The following PCDH9 variants were observed in gnomAD, a reference collection of about 807,000 sequenced individuals.
The protein encoded by PCDH9 is protocadherin-9.
PCDH9 carries 24 observed loss-of-function variants against 70.6 expected under a neutral mutation model. That is an observed-to-expected ratio of 0.34 (90% CI 0.25 to 0.48). The LOEUF is 0.48. Ranked by LOEUF, PCDH9 falls within the 20% of genes least tolerant of loss-of-function variation. The pLI, the probability that PCDH9 is intolerant of heterozygous loss-of-function variation, is 0.99. For missense variants in PCDH9, 1,281 were observed against 1,503.6 expected (o/e 0.85, Z 2.45); for synonymous variants, 562 against 558.5 (o/e 1.01, Z -0.09).
rs2089887360 is a variant in PCDH9, at chr13:67,226,853, A to G, written c.1588T>C (p.Phe530Leu). ...AATCGTTCTTGTTCTTCTCTGTCAA[A>G]TACTCTGGAGGCTGTCAAAACTCCT... ...KTGVLTASRV[F>L]DREEQERFIF... The change falls in exon 2 of 5, where the codon TTT becomes CTT. Residue 530 changes from phenylalanine to leucine, a missense_variant. By Grantham distance (22) the Phe-to-Leu change is conservative. This residue lies in a region of PCDH9 where 798 missense variants were observed against 1,003.1 expected (regional missense o/e 0.80). Transcript: ENST00000377865. The surrounding 1 kb of genome is among the most constrained non-coding windows in gnomAD (Gnocchi z 5.0). 1.1e-5 allele frequency: 17 copies of G among 1,614,192 alleles called. No homozygotes were observed. The highest frequency in any genetic ancestry group is 1.4e-5 in the Non-Finnish European group (16 of 1,180,036).
At chr13:66,345,374 T>A (rs532900919) in intron 4 of PCDH9, among the ~76,000 whole-genome samples, 1 of 151,808 alleles carries the variant, frequency 6.6e-6, no homozygotes, top group South Asian at 2.1e-4. Context: ...AATGAGGTAA[T>A]TTTTTTTTCC....
intron 4 of PCDH9, among the ~76,000 whole-genome samples, chr13:66,369,784 A>C (rs764320889): frequency 4.6e-5 from 7 of 152,090 alleles, no homozygotes; most frequent in Non-Finnish European, 1.0e-4. Context: ...TGAGCCAGCA[A>C]AAAATACTTT....
intron 2 of PCDH9, among the ~76,000 whole-genome samples, chr13:67,041,242 T>C (rs760396579): frequency 2.5e-4 from 38 of 152,208 alleles, no homozygotes; most frequent in Admixed American, 7.9e-4. Context: ...TCATGTGCTA[T>C]TTAAATGGTG....
chr13:66,885,709 C>G (rs1461901336), intron 3 of PCDH9, among the ~76,000 whole-genome samples: 1 of 151,994 alleles, frequency 6.6e-6, no homozygotes, highest in Non-Finnish European at 1.5e-5. Context: ...CTTGGTAAAA[C>G]TTAATTTCTC....
chr13:66,347,762 T>C (rs1332162236), intron 4 of PCDH9, among the ~76,000 whole-genome samples: 1 of 152,180 alleles, frequency 6.6e-6, no homozygotes, highest in African/African-American at 2.4e-5. Context: ...CTGTGTCCAT[T>C]TGGCTAATTG....
At chr13:66,860,436 G>C (rs2081464227) in intron 3 of PCDH9, among the ~76,000 whole-genome samples, 1 of 152,168 alleles carries the variant, frequency 6.6e-6, no homozygotes, top group African/African-American at 2.4e-5. Flanking sequence ...AATTTTACAG[G>C]AAGCTAATAT....
chr13:67,061,265 T>C (rs1203597571), intron 2 of PCDH9, among the ~76,000 whole-genome samples: 1 of 152,108 alleles, frequency 6.6e-6, no homozygotes, highest in East Asian at 1.9e-4. Context: ...CTTGGGTTTC[T>C]TTCAATCACA....
intron 4 of PCDH9, among the ~76,000 whole-genome samples, chr13:66,368,472 A>T (rs974280619): frequency 6.6e-6 from 1 of 151,972 alleles, no homozygotes; most frequent in Admixed American, 6.6e-5. Flanking sequence ...AATAAGAGTG[A>T]TATAACCTTC....
chr13:66,627,646 C>T (rs1443397247), intron 4 of PCDH9, among the ~76,000 whole-genome samples: 1 of 152,152 alleles, frequency 6.6e-6, no homozygotes, highest in Non-Finnish European at 1.5e-5. Flanking sequence ...AAGGCACTGT[C>T]ACAACCTAAG....
intron 3 of PCDH9, among the ~76,000 whole-genome samples, chr13:66,747,302 G>A (rs1345371991): frequency 6.6e-6 from 1 of 152,182 alleles, no homozygotes; most frequent in Non-Finnish European, 1.5e-5. Context: ...AGTGAGCCAA[G>A]ATCGCACCAT....
At chr13:66,372,023 C>T (rs1006432251) in intron 4 of PCDH9, among the ~76,000 whole-genome samples, 3 of 151,988 alleles carry the variant, frequency 2.0e-5, no homozygotes, top group African/African-American at 7.2e-5. Context: ...TCTGAAGAGA[C>T]TCCCTCCCAC....
At chr13:66,926,392 T>G (rs954579656) in intron 2 of PCDH9, among the ~76,000 whole-genome samples, 10 of 152,028 alleles carry the variant, frequency 6.6e-5, no homozygotes, top group South Asian at 2.1e-4. Context: ...TCATGCTTTA[T>G]CACTAGGCTC....
intron 2 of PCDH9, among the ~76,000 whole-genome samples, chr13:67,027,521 G>C (rs1057389969): frequency 2.0e-5 from 3 of 151,918 alleles, no homozygotes; most frequent in African/African-American, 4.8e-5. Context: ...AGGACTTCAT[G>C]TCTAAAACAC....
At chr13:66,917,665 C>A (rs1387270610) in intron 2 of PCDH9, among the ~76,000 whole-genome samples, 1 of 151,390 alleles carries the variant, frequency 6.6e-6, no homozygotes, top group Non-Finnish European at 1.5e-5. Context: ...AAGACAGAAT[C>A]TGCCATAAGT....
At chr13:67,206,998 C>T (rs1007789892) in intron 2 of PCDH9, 1 of 152,042 alleles carries the variant, frequency 6.6e-6, no homozygotes, top group African/African-American at 2.4e-5. Flanking sequence ...AATCGTACTG[C>T]CTAAAAGATA....
At chr13:66,775,747 AG>A (rs1214269598) in intron 3 of PCDH9, among the ~76,000 whole-genome samples, 1 of 152,256 alleles carries the variant, frequency 6.6e-6, no homozygotes, top group African/African-American at 2.4e-5. Context: ...ATAAGGCTTC[AG>A]GTCAACAGTA....
chr13:67,093,213 G>A (rs2086253473), intron 2 of PCDH9, among the ~76,000 whole-genome samples: 1 of 152,164 alleles, frequency 6.6e-6, no homozygotes, highest in African/African-American at 2.4e-5. Context: ...CCAGCCCTTT[G>A]GGAAGCCAAG....
intron 4 of PCDH9, among the ~76,000 whole-genome samples, chr13:66,576,069 TAAA>T (rs1239561008): frequency 6.6e-5 from 7 of 106,034 alleles, no homozygotes; most frequent in African/African-American, 1.3e-4. Context: ...TCACAGCAGA[TAAA>T]AAAAAAAAAA....
chr13:67,134,050 A>T (rs1488110658), intron 2 of PCDH9, among the ~76,000 whole-genome samples: 1 of 152,148 alleles, frequency 6.6e-6, no homozygotes, highest in Non-Finnish European at 1.5e-5. Context: ...AATTCTGTAT[A>T]TCCAATAATT....
Sources: gnomAD v4.1 joint callset for allele counts (sites outside exome capture counted in the v4.1 genomes callset) on GRCh38, gnomAD v4.1.1 for gene constraint, gnomAD v4.1.1 regional missense constraint, Gnocchi (gnomAD v3.1) non-coding constraint, MANE v1.5 for transcripts, NCBI Gene and HGNC (gene_info 2026-07-23, HGNC 2026-07-21) for gene names.